RBFOX1: variants seen among roughly 807,000 people sequenced by gnomAD.
RBFOX1 encodes the protein RNA binding protein fox-1 homolog 1.
In RBFOX1, 8 loss-of-function variants were observed where a neutral mutation model predicts 57.7. The ratio of observed to expected loss-of-function variants is 0.14; its 90% CI spans 0.08 to 0.25. The LOEUF is 0.25. Among genes scored for constraint, RBFOX1 ranks in the 10% least tolerant of loss-of-function variants. The pLI, the probability that RBFOX1 is intolerant of heterozygous loss-of-function variation, is 1.00. For synonymous variants in RBFOX1, 326 were observed against 222.4 expected, an observed-to-expected ratio of 1.47 and a Z score of -4.15; for missense variants, 611 against 548.5, an observed-to-expected ratio of 1.11 and a Z score of -1.14.
chr16:6,949,942 T>G (rs1568035024), intron 3 of RBFOX1, among the ~76,000 whole-genome samples: 1 of 111,470 alleles, frequency 9.0e-6, no homozygotes, highest in Non-Finnish European at 1.9e-5. Flanking sequence ...TACGTTTTTT[T>G]GTTGTTGTTG....
At chr16:6,135,642 C>G (rs1424285533) in intron 1 of RBFOX1, among the ~76,000 whole-genome samples, 3 of 151,308 alleles carry the variant, frequency 2.0e-5, no homozygotes, top group Non-Finnish European at 2.9e-5. Flanking sequence ...ATCAGAATGT[C>G]TGAAAAAAAA....
intron 3 of RBFOX1, among the ~76,000 whole-genome samples, chr16:5,609,898 C>T (rs900252648): frequency 5.3e-5 from 8 of 152,152 alleles, no homozygotes; most frequent in Non-Finnish European, 8.8e-5. Flanking sequence ...AAGACAAAAC[C>T]GACATCAGCA....
intron 2 of RBFOX1, among the ~76,000 whole-genome samples, chr16:6,327,335 C>A (rs372134900): frequency 6.6e-6 from 1 of 152,044 alleles, no homozygotes; most frequent in African/African-American, 2.4e-5. Context: ...TAGGTTTCTG[C>A]TTTTCTCACT....
intron 4 of RBFOX1, among the ~76,000 whole-genome samples, chr16:5,983,826 C>A (rs2060222066): frequency 1.3e-5 from 2 of 150,750 alleles, no homozygotes; most frequent in Admixed American, 1.3e-4. Context: ...GCTGTTCAGG[C>A]GTTCTTCCCT....
At chr16:6,445,571 T>C (rs1597352369) in intron 2 of RBFOX1, among the ~76,000 whole-genome samples, 1 of 151,092 alleles carries the variant, frequency 6.6e-6, no homozygotes, top group Non-Finnish European at 1.5e-5. Flanking sequence ...CTTTTTTTTT[T>C]TTTTTTTTTT....
intron 2 of RBFOX1, among the ~76,000 whole-genome samples, chr16:6,490,678 C>A (rs938364100): frequency 1.3e-5 from 2 of 152,152 alleles, no homozygotes; most frequent in African/African-American, 4.8e-5. Flanking sequence ...CCATGAACAG[C>A]TCGTATCTGG....
At chr16:6,226,796 T>A (rs1444045686) in intron 1 of RBFOX1, among the ~76,000 whole-genome samples, 1 of 152,016 alleles carries the variant, frequency 6.6e-6, no homozygotes, top group African/African-American at 2.4e-5. Flanking sequence ...GTGTTTCCTG[T>A]GATAATTCAA....
chr16:5,613,528 A>G (rs963417512), intron 3 of RBFOX1, among the ~76,000 whole-genome samples: 1 of 152,168 alleles, frequency 6.6e-6, no homozygotes, highest in South Asian at 2.1e-4. Context: ...GGGGAATGAG[A>G]GAGTCATACT....
At position 6,314,845 on chromosome 16, in the gene RBFOX1, G is replaced by T. The variant is rs144127934; in HGVS notation, c.-126-2150G>T. Among the ~76,000 whole-genome samples, 613 of 152,320 alleles carry T rather than the reference G, an allele frequency of 4.0e-3. 10 individuals are homozygous for T. Among genetic ancestry groups the T allele is most frequent in the Admixed American group, 0.023 (359 of 15,306 alleles). The stretch of plus-strand genomic sequence containing the variant: ...GGAGGCATACTGTGAATCTCTAGAA[G>T]AGAACCATGTATTTTGACTATTTCT... On this transcript the variant is annotated intron_variant, in intron 1 of 15. Transcript: ENST00000550418.
chr16:6,395,523 T>A (rs1223796698), intron 2 of RBFOX1, among the ~76,000 whole-genome samples: 1 of 151,768 alleles, frequency 6.6e-6, no homozygotes, highest in East Asian at 1.9e-4. Context: ...AGTTCTTACT[T>A]TTTTTTTACT....
chr16:6,817,271 A>C (rs980764201), intron 3 of RBFOX1, among the ~76,000 whole-genome samples: 2 of 152,062 alleles, frequency 1.3e-5, no homozygotes, highest in African/African-American at 4.8e-5. Flanking sequence ...ACTTCTGACC[A>C]CCTTAATGTG....
chr16:6,352,893 C>G (rs2086654211), intron 2 of RBFOX1, among the ~76,000 whole-genome samples: 2 of 152,246 alleles, frequency 1.3e-5, no homozygotes, highest in South Asian at 2.1e-4. Context: ...ACAGGGAAAG[C>G]CAATCATGAA....
chr16:6,157,171 T>A (rs1248751851), intron 1 of RBFOX1, among the ~76,000 whole-genome samples: 1 of 152,146 alleles, frequency 6.6e-6, no homozygotes, highest in South Asian at 2.1e-4. Context: ...TTATAAAAAT[T>A]TATTTTTATG....
chr16:7,277,297 C>T (rs2095459104), intron 4 of RBFOX1, among the ~76,000 whole-genome samples: 1 of 152,088 alleles, frequency 6.6e-6, no homozygotes, highest in South Asian at 2.1e-4. Flanking sequence ...TATTCTACTG[C>T]AATGCATCTG....
At chr16:6,495,063 C>T (rs2095730342) in intron 2 of RBFOX1, among the ~76,000 whole-genome samples, 1 of 152,198 alleles carries the variant, frequency 6.6e-6, no homozygotes, top group African/African-American at 2.4e-5. Flanking sequence ...GTCGGTCTGG[C>T]TGGAGAACCC....
intron 3 of RBFOX1, among the ~76,000 whole-genome samples, chr16:5,743,788 C>A (rs766117327): frequency 1.2e-4 from 19 of 152,114 alleles, no homozygotes; most frequent in Non-Finnish European, 2.9e-5. Flanking sequence ...AGTAATCCTC[C>A]CACCTCACCC....
chr16:6,081,188 G>A (rs1292223760), intron 1 of RBFOX1, among the ~76,000 whole-genome samples: 4 of 152,074 alleles, frequency 2.6e-5, no homozygotes, highest in African/African-American at 9.7e-5. Context: ...GCTGTTCCCG[G>A]GACACATTTA....
intron 2 of RBFOX1, among the ~76,000 whole-genome samples, chr16:6,496,034 G>T (rs2095759087): frequency 6.6e-6 from 1 of 152,150 alleles, no homozygotes; most frequent in African/African-American, 2.4e-5. Flanking sequence ...GACAAAATGT[G>T]GAAGACAAGA....
chr16:5,394,588 A>T (rs1377977752), intron 1 of RBFOX1, among the ~76,000 whole-genome samples: 5 of 124,352 alleles, frequency 4.0e-5, no homozygotes, highest in Admixed American at 9.0e-5. Flanking sequence ...TTTTGACAGG[A>T]TCTTGCTCTG....
Sources: gnomAD v4.1 joint callset for allele counts (sites outside exome capture counted in the v4.1 genomes callset) on GRCh38, gnomAD v4.1.1 for gene constraint, MANE v1.5 for transcripts, NCBI Gene and HGNC (gene_info 2026-07-23, HGNC 2026-07-21) for gene names.